ACE: variants seen among roughly 807,000 people sequenced by gnomAD.
The protein encoded by ACE is angiotensin-converting enzyme.
Under a neutral mutation model 162.3 loss-of-function variants are expected in ACE, and 122 were observed. That is an observed-to-expected ratio of 0.75 (90% CI 0.65 to 0.87). The LOEUF is 0.87. Ranked by LOEUF, ACE falls within the 40% of genes least tolerant of loss-of-function variation. The pLI, the probability that ACE is intolerant of heterozygous loss-of-function variation, is 0.00. For missense variants in ACE, 1,799 were observed against 1,735.1 expected (o/e 1.04, Z -0.65); for synonymous variants, 796 against 720.6 (o/e 1.10, Z -1.68).
In ACE at chr17:63,479,857, G is replaced by A. The variant is rs4299; in HGVS notation, c.600G>A (p.Leu200=). 382 of 1,612,992 alleles carry A rather than the reference G, an allele frequency of 2.4e-4. 3 individuals carry two copies. In the African/African-American group the frequency reaches 4.5e-3, roughly 19 times the overall value. The change falls in exon 4 of 25, where the codon CTG becomes CTA. Residue 200 remains leucine, a synonymous_variant. Transcript: ENST00000290866. ...EGWHNAAGIP[L]KPLYEDFTAL... ...GGCACAACGCTGCGGGCATCCCGCT[G>A]AAACCGCTGTACGAGGATTTCACTG...
At chr17:63,482,790 C>A in intron 8 of ACE, 101 bp downstream of exon 8, 1 of 1,317,814 alleles carries the variant, frequency 7.6e-7, no homozygotes, top group Non-Finnish European at 1.1e-6. Context: ...CTTCTTTCTG[C>A]CTCCCGGCCC....
At chr17:63,494,270 C>A in intron 21 of ACE, 102 bp from the exon 22 acceptor site, 1 of 1,292,736 alleles carries the variant, frequency 7.7e-7, no homozygotes, top group Non-Finnish European at 1.1e-6. Flanking sequence ...ATGGGGTGCC[C>A]AGTATAGCCC....
In ACE at chr17:63,491,247, T is replaced by C; in HGVS notation, c.2778T>C (p.Asp926=). 3 of 1,614,094 alleles carry C rather than the reference T, an allele frequency of 1.9e-6. No homozygotes were observed. The highest frequency in any genetic ancestry group is 2.5e-6 in the Non-Finnish European group (3 of 1,180,004). The part of the protein sequence containing the change: ...TPRRMFKEAD[D]FFTSLGLLPV... ...GGAGGATGTTTAAGGAGGCTGATGA[T>C]TTCTTCACCTCCCTGGGGCTGCTGC... The change falls in exon 19 of 25, where the codon GAT becomes GAC. Residue 926 remains aspartate, a synonymous_variant. Transcript: ENST00000290866. This position sits in a 1 kb window ranked among gnomAD's most constrained non-coding sequence, Gnocchi z 4.4.
chr17:63,481,760 G>C (rs1014645480), intron 7 of ACE, 22 bp downstream of exon 7: 2 of 1,613,858 alleles, frequency 1.2e-6, no homozygotes, highest in Middle Eastern at 1.7e-4. Flanking sequence ...GGAAGAGCAC[G>C]TTCTGGGGTT....
At position 63,483,837 on chromosome 17, in the gene ACE, C is replaced by G; in HGVS notation, c.1587-12C>G. 1 of 1,614,016 alleles carries G rather than the reference C, an allele frequency of 6.2e-7. No homozygotes were observed. The highest frequency in any genetic ancestry group is 8.5e-7 in the Non-Finnish European group (1 of 1,180,034). ...CCCATGATCTTCCCTGACTCCCACC[C>G]TGTGCCTGCAGGTACTTTGTGAGTT... is the stretch of plus-strand genomic sequence containing the variant. On this transcript the variant is annotated splice_polypyrimidine_tract_variant and intron_variant, in intron 10 of 24. Coordinates refer to ENST00000290866, the MANE Select transcript of ACE (RefSeq NM_000789.4).
At chr17:63,480,910 A>G (rs2049696539) in intron 5 of ACE, among the ~76,000 whole-genome samples, 181 bp from the exon 6 acceptor site, 2 of 152,216 alleles carry the variant, frequency 1.3e-5, no homozygotes, top group Admixed American at 1.3e-4. Context: ...GCCCCAGGAC[A>G]TGTGGCCCTC....
intron 22 of ACE, among the ~76,000 whole-genome samples, chr17:63,494,702 A>G (rs1438372199): frequency 3.3e-5 from 5 of 152,228 alleles, no homozygotes; most frequent in Non-Finnish European, 7.3e-5. Context: ...CAGAAACTCA[A>G]CCTAATAATT....
rs374809116 is a variant in ACE at position 63,485,556 on chromosome 17, G to A, written c.2058+184G>A. 59 of 751,534 alleles carry A rather than the reference G, an allele frequency of 7.9e-5. 1 individual carries two copies. Among genetic ancestry groups the A allele is most frequent in the South Asian group, 6.0e-4 (40 of 67,210 alleles). 46.6% of individuals were successfully genotyped at this position (751,534 alleles called of 1,614,324 possible). ...AGCACTTTGGGAGGGGGAGGCGGGC[G>A]GATCACGAGGTCAGATCAAGACCAT... On this transcript the variant is annotated intron_variant, in intron 13 of 24. Coordinates refer to ENST00000290866, the MANE Select transcript of ACE (RefSeq NM_000789.4).
chr17:63,488,828 C>A, intron 16 of ACE, 37 bp downstream of exon 16: 1 of 1,613,990 alleles, frequency 6.2e-7, no homozygotes, highest in Non-Finnish European at 8.5e-7. Flanking sequence ...GCACTTGGGT[C>A]CCTTCATTTT....
rs372143589 is a variant in ACE at position 63,497,171 on chromosome 17, C to A, written c.3726C>A (p.Arg1242=). Residue 1242 remains arginine (R), a synonymous_variant, in exon 25 of 25, where the codon CGC becomes CGA. Transcript: ENST00000290866. ...AAGGGCCCCTCCCAGACAGCGGCCG[C>A]GTCAGCTTCCTGGGCCTGGACCTGG... The part of the protein sequence containing the change: ...RSEGPLPDSG[R]VSFLGLDLDA... 1.9e-6 allele frequency: 3 copies of A among 1,604,068 alleles called. No individual in the cohort carries two copies. Among genetic ancestry groups the A allele is most frequent in the African/African-American group, 2.7e-5 (2 of 74,874 alleles).
intron 15 of ACE, 117 bp downstream of exon 15, chr17:63,487,190 AG>A (rs1356550256): frequency 1.2e-6 from 1 of 851,820 alleles, no homozygotes; most frequent in Non-Finnish European, 2.0e-6. Context: ...CAGCGTGCCC[AG>A]GAAATGCCCT....
chr17:63,494,225 G>A, intron 21 of ACE, 147 bp from the exon 22 acceptor site: 1 of 1,255,216 alleles, frequency 8.0e-7, no homozygotes, highest in African/African-American at 1.5e-5. Context: ...GGGGAAAACG[G>A]GGTGATTGTG....
chr17:63,488,420 G>A, intron 15 of ACE: 1 of 409,568 alleles, frequency 2.4e-6, no homozygotes, highest in South Asian at 2.9e-5. Context: ...TCACAGGACT[G>A]CTGAGGCCCT....
At chr17:63,478,365 CT>C (rs1479728444) in intron 2 of ACE, 2 of 507,194 alleles carry the variant, frequency 3.9e-6, no homozygotes, top group African/African-American at 3.9e-5. Context: ...TTATGAGCTT[CT>C]TTGGAAGAGT....
intron 17 of ACE, chr17:63,490,727 C>T: frequency 1.7e-6 from 1 of 575,598 alleles, no homozygotes; most frequent in Admixed American, 2.6e-5. Flanking sequence ...CCTGGATTCC[C>T]TGATAACCAG....
intron 6 of ACE, 45 bp from the exon 7 acceptor site, chr17:63,481,521 G>A: frequency 8.7e-6 from 14 of 1,609,258 alleles, no homozygotes; most frequent in Non-Finnish European, 1.2e-5. Context: ...CCCCAGGCCA[G>A]CCAGAGTGGG....
chr17:63,479,650 G>A, intron 3 of ACE, 119 bp from the exon 4 acceptor site: 1 of 1,386,248 alleles, frequency 7.2e-7, no homozygotes, highest in Non-Finnish European at 1.0e-6. Context: ...TGTCTCTGGG[G>A]GCACCGTGAT....
intron 23 of ACE, 32 bp from the exon 24 acceptor site, chr17:63,496,766 T>G (rs755677485): frequency 6.2e-7 from 1 of 1,609,170 alleles, no homozygotes; most frequent in Non-Finnish European, 8.5e-7. Flanking sequence ...CATGTCCTTC[T>G]GACTCTGCCT....
At chr17:63,483,996 G>A (rs1439922920) in intron 11 of ACE, 25 bp downstream of exon 11, 2 of 1,602,732 alleles carry the variant, frequency 1.2e-6, no homozygotes, top group African/African-American at 1.3e-5. Context: ...GCCGGGGGAA[G>A]TGGGAGGCAG....
Sources: allele counts gnomAD v4.1 joint callset (sites outside exome capture counted in the v4.1 genomes callset), GRCh38; gene constraint gnomAD v4.1.1; non-coding constraint Gnocchi (gnomAD v3.1); transcripts MANE v1.5; gene names NCBI Gene and HGNC (gene_info 2026-07-23, HGNC 2026-07-21).